The following SH3PXD2A variants were observed in gnomAD, a reference collection of about 807,000 sequenced individuals.
SH3PXD2A encodes the protein SH3 and PX domains 2A, also known as SH3 and PX domain-containing protein 2A.
A neutral mutation model predicts 115.2 loss-of-function variants in SH3PXD2A; 32 were observed. That is an observed-to-expected ratio of 0.28 (90% CI 0.21 to 0.37). SH3PXD2A has a LOEUF of 0.37. Ranked by LOEUF, SH3PXD2A falls within the 10% of genes least tolerant of loss-of-function variation. The probability of loss-of-function intolerance (pLI) is 1.00; values close to 1 mark genes in which losing one functional copy is unlikely to be tolerated. For missense variants in SH3PXD2A, 1,328 were observed against 1,498.7 expected, an observed-to-expected ratio of 0.89 and a Z score of 1.88; for synonymous variants, 610 against 629.1, an observed-to-expected ratio of 0.97 and a Z score of 0.45.
At chr10:103,628,441 A>G (rs1054163063) in intron 8 of SH3PXD2A, among the ~76,000 whole-genome samples, 2 of 151,850 alleles carry the variant, frequency 1.3e-5, no homozygotes, top group African/African-American at 2.4e-5. Context: ...CTTGAGGTCC[A>G]GGCCTATGTG....
At chr10:103,785,743 C>T (rs1351133793) in intron 2 of SH3PXD2A, among the ~76,000 whole-genome samples, 1 of 152,154 alleles carries the variant, frequency 6.6e-6, no homozygotes, top group African/African-American at 2.4e-5. Context: ...GCAAGGGCTT[C>T]TGCCTTCACT....
Position 103,666,421 on chromosome 10 carries a change from C to T in SH3PXD2A, c.472+2187G>A, listed in dbSNP as rs549434220. 1.1e-4 allele frequency among the ~76,000 whole-genome samples: 17 copies of T among 152,348 alleles called. 1 individual carries two copies. Among genetic ancestry groups the T allele is most frequent in the African/African-American group, 4.1e-4 (17 of 41,578 alleles). On this transcript the variant is annotated intron_variant, in intron 7 of 14. Transcript: ENST00000369774. This position sits in a 1 kb window ranked among gnomAD's most constrained non-coding sequence, Gnocchi z 4.5. ...CAGGAGGCTCCTGATCACTCTTGTT[C>T]CCTCTTTTCTGTTCCCTCCTGGACT...
intron 8 of SH3PXD2A, among the ~76,000 whole-genome samples, chr10:103,640,680 T>G (rs938613810): frequency 7.9e-5 from 12 of 151,760 alleles, no homozygotes; most frequent in African/African-American, 2.7e-4. Context: ...AATTCCAGAG[T>G]AGAGAAGGGC....
At chr10:103,838,610 C>T (rs1319583386) in intron 1 of SH3PXD2A, among the ~76,000 whole-genome samples, 1 of 152,146 alleles carries the variant, frequency 6.6e-6, no homozygotes, top group African/African-American at 2.4e-5. Flanking sequence ...GCTACCATTG[C>T]CCTCTCTCCT....
intron 1 of SH3PXD2A, among the ~76,000 whole-genome samples, chr10:103,822,182 C>T (rs1000831568): frequency 3.3e-5 from 5 of 152,238 alleles, no homozygotes; most frequent in African/African-American, 9.6e-5. Context: ...TGAGCCACTG[C>T]GCCTGGCCTT....
intron 2 of SH3PXD2A, among the ~76,000 whole-genome samples, chr10:103,772,319 G>A (rs2134231478): frequency 6.6e-6 from 1 of 152,352 alleles, no homozygotes; most frequent in South Asian, 2.1e-4. Context: ...GCTGAGCGGG[G>A]CTGTCTCCTG....
At chr10:103,709,675 G>T (rs2038024474) in intron 5 of SH3PXD2A, among the ~76,000 whole-genome samples, 1 of 152,194 alleles carries the variant, frequency 6.6e-6, no homozygotes, top group South Asian at 2.1e-4. Context: ...TAGGTAAGAG[G>T]TTCTAGCCCA....
intron 1 of SH3PXD2A, among the ~76,000 whole-genome samples, chr10:103,840,630 G>A (rs187013865): frequency 9.8e-4 from 150 of 152,346 alleles, no homozygotes; most frequent in Middle Eastern, 3.4e-3. Context: ...AAGGACTCTG[G>A]AGTCCCGCTG....
intron 7 of SH3PXD2A, among the ~76,000 whole-genome samples, chr10:103,664,598 C>T (rs1207147113): frequency 1.3e-5 from 2 of 152,136 alleles, no homozygotes; most frequent in African/African-American, 4.8e-5. Context: ...TAGGGAAGGG[C>T]CCATTACATC....
rs181075411 is a variant in SH3PXD2A, at chr10:103,788,162, C to T, written c.153+13120G>A. On this transcript the variant is annotated intron_variant, in intron 2 of 14. Transcript: ENST00000369774. ...CAATCTCATAATAATAATGCTTCACCGCTGCTCCAGCCATGATGGCAAGGC... is the reference window on the plus strand; with the variant it reads ...CAATCTCATAATAATAATGCTTCACTGCTGCTCCAGCCATGATGGCAAGGC... 2.8e-4 allele frequency among the ~76,000 whole-genome samples: 42 copies of T among 152,290 alleles called. No individual in the cohort carries two copies. The East Asian group carries it at 7.1e-3, about 26-fold the overall frequency.
intron 2 of SH3PXD2A, among the ~76,000 whole-genome samples, chr10:103,774,907 A>C (rs2038863466): frequency 6.6e-6 from 1 of 152,214 alleles, no homozygotes; most frequent in African/African-American, 2.4e-5. Context: ...CTTGCTGCTA[A>C]AGTGCCGCCC....
At chr10:103,676,875 G>A (rs960246533) in intron 6 of SH3PXD2A, among the ~76,000 whole-genome samples, 3 of 152,194 alleles carry the variant, frequency 2.0e-5, no homozygotes, top group African/African-American at 7.2e-5. Flanking sequence ...CTGCCTTGGT[G>A]GTCCTCCCTC....
At position 103,602,736 on chromosome 10, in the gene SH3PXD2A, T is replaced by G. The variant is rs2036237300; in HGVS notation, c.2482A>C (p.Thr828Pro). The change falls in exon 15 of 15, where the codon ACC (threonine) becomes CCC (proline). Residue 828 changes from threonine to proline, a missense_variant. Around this residue, in one of 5 missense-constraint regions of SH3PXD2A, gnomAD observed 574 missense variants for 565.7 expected, o/e 1.01. Coordinates refer to ENST00000369774, the MANE Select transcript of SH3PXD2A (RefSeq NM_001394015.1). ...TTCTTGGTGGGACATGGGGGAGTGG[T>G]GGCTGGGAGGGTGATGAGGTCGGAT... ...SSSDLITLPA[T>P]TPPCPTKKEW... 1.2e-6 allele frequency: 2 copies of G among 1,613,996 alleles called. No homozygotes were observed. The highest frequency in any genetic ancestry group is 1.7e-6 in the Non-Finnish European group (2 of 1,179,956).
chr10:103,812,943 G>A lies in SH3PXD2A; in HGVS notation c.73-11581C>T, dbSNP rs75574620. Among the ~76,000 whole-genome samples the A allele has an allele frequency of 9.5e-3, 1,452 of 152,252 alleles. 24 individuals carry two copies. Among genetic ancestry groups the A allele is most frequent in the African/African-American group, 0.03 (1,245 of 41,536 alleles). On this transcript the variant is annotated intron_variant, in intron 1 of 14. Coordinates refer to ENST00000369774, the MANE Select transcript of SH3PXD2A (RefSeq NM_001394015.1). ...TAAGAATTTATCCACACAATTGTGT[G>A]TATGCATGTATGTGTGTGTATATAT...
intron 8 of SH3PXD2A, among the ~76,000 whole-genome samples, chr10:103,651,444 T>A (rs10736160): frequency 6.6e-6 from 1 of 152,208 alleles, no homozygotes; most frequent in Non-Finnish European, 1.5e-5. Context: ...TGCTTTCCTG[T>A]GCTCTGTGGC....
intron 9 of SH3PXD2A, 50 bp from the exon 10 acceptor site, chr10:103,622,603 G>T: frequency 1.9e-6 from 2 of 1,076,988 alleles, no homozygotes; most frequent in South Asian, 1.3e-5. Context: ...AACCGGCGGA[G>T]AGAATGGAGA....
At chr10:103,723,837 G>C (rs2038209719) in intron 5 of SH3PXD2A, among the ~76,000 whole-genome samples, 1 of 152,148 alleles carries the variant, frequency 6.6e-6, no homozygotes, top group African/African-American at 2.4e-5. Context: ...AGCAGCCCAG[G>C]ACTGCTGTTA....
At chr10:103,657,427 A>C (rs2037227880) in intron 8 of SH3PXD2A, among the ~76,000 whole-genome samples, 1 of 152,190 alleles carries the variant, frequency 6.6e-6, no homozygotes, top group African/African-American at 2.4e-5. Flanking sequence ...CCTAAAGAGG[A>C]GGCGCCTTAT....
At position 103,605,900 on chromosome 10, in the gene SH3PXD2A, C is replaced by A. The variant is rs201074203; in HGVS notation, c.1326G>T (p.Lys442Asn). ...RESSLGFQLP[K>N]PPEPPSVEVE... ...CCTCAACAGAAGGGGGCTCTGGTGGCTTTGGCAGTTGGAACCCCTAAGGTT... is the reference window on the plus strand; with the variant it reads ...CCTCAACAGAAGGGGGCTCTGGTGGATTTGGCAGTTGGAACCCCTAAGGTT... The change falls in exon 14 of 15, where the codon AAG becomes AAT. Residue 442 changes from lysine to asparagine, a missense_variant. Coordinates refer to ENST00000369774, the MANE Select transcript of SH3PXD2A (RefSeq NM_001394015.1). 6.2e-7 allele frequency: 1 copy of A among 1,614,062 alleles called. No individual in the cohort carries two copies. The highest frequency in any genetic ancestry group is 2.2e-5 in the East Asian group (1 of 44,874).
Sources: allele counts gnomAD v4.1 joint callset (sites outside exome capture counted in the v4.1 genomes callset), GRCh38; gene constraint gnomAD v4.1.1; regional missense constraint gnomAD v4.1.1; non-coding constraint Gnocchi (gnomAD v3.1); transcripts MANE v1.5; gene names NCBI Gene and HGNC (gene_info 2026-07-23, HGNC 2026-07-21).